PLXNC1: variants seen among roughly 807,000 people sequenced by gnomAD.
PLXNC1 encodes the protein plexin-C1.
PLXNC1 carries 75 observed loss-of-function variants against 178.2 expected under a neutral mutation model. The ratio of observed to expected loss-of-function variants is 0.42; its 90% CI spans 0.35 to 0.51. PLXNC1 has a LOEUF of 0.51. PLXNC1 is among the 20% of genes least tolerant of loss of function. The pLI is 0.02. For missense variants in PLXNC1, 1,503 were observed against 1,984.4 expected, an observed-to-expected ratio of 0.76 and a Z score of 4.61; for synonymous variants, 790 against 779.9, an observed-to-expected ratio of 1.01 and a Z score of -0.22.
intron 6 of PLXNC1, 53 bp downstream of exon 6, chr12:94,220,216 A>C: frequency 6.4e-7 from 1 of 1,561,866 alleles, no homozygotes; most frequent in Non-Finnish European, 8.8e-7. Context: ...AAACAAGGGA[A>C]CCTCCTGAGT....
chr12:94,227,033 A>AG, intron 8 of PLXNC1, 116 bp from the exon 9 acceptor site: 1 of 748,694 alleles, frequency 1.3e-6, no homozygotes, highest in Non-Finnish European at 2.3e-6. Context: ...CAAAAAAAAA[A>AG]GGTTTAACCA....
intron 5 of PLXNC1, among the ~76,000 whole-genome samples, chr12:94,215,591 T>TA (rs1963623635): frequency 6.6e-6 from 1 of 150,680 alleles, no homozygotes. Flanking sequence ...GATAGATAGA[T>TA]ATCAAAAATA....
At chr12:94,250,499 C>T (rs1360162944) in intron 14 of PLXNC1, among the ~76,000 whole-genome samples, 2 of 152,128 alleles carry the variant, frequency 1.3e-5, no homozygotes, top group Non-Finnish European at 2.9e-5. Context: ...CAAATCCATC[C>T]TCCAGCTACT....
intron 30 of PLXNC1, among the ~76,000 whole-genome samples, chr12:94,304,730 C>T (rs907332904): frequency 2.0e-5 from 3 of 152,138 alleles, no homozygotes; most frequent in Admixed American, 2.0e-4. Flanking sequence ...ATAAGCATCC[C>T]TCGTTCCAGG....
intron 8 of PLXNC1, among the ~76,000 whole-genome samples, chr12:94,226,938 A>G (rs928936931): frequency 6.6e-6 from 1 of 151,972 alleles, no homozygotes; most frequent in African/African-American, 2.4e-5. Context: ...CAGGAGAATC[A>G]CTTGAACCCG....
At chr12:94,294,577 C>G in intron 24 of PLXNC1, 37 bp downstream of exon 24, 2 of 922,590 alleles carry the variant, frequency 2.2e-6, no homozygotes, top group Non-Finnish European at 3.5e-6. Context: ...TTGTTCTCAC[C>G]CAGCTTCATA....
intron 16 of PLXNC1, 140 bp from the exon 17 acceptor site, chr12:94,255,053 C>T: frequency 1.1e-6 from 1 of 899,314 alleles, no homozygotes; most frequent in Non-Finnish European, 1.7e-6. Context: ...TTCAGCTCTT[C>T]TCTGCAGCCA....
intron 5 of PLXNC1, among the ~76,000 whole-genome samples, chr12:94,210,017 C>T (rs1444716531): frequency 1.3e-5 from 2 of 152,162 alleles, no homozygotes; most frequent in Non-Finnish European, 1.5e-5. Flanking sequence ...TGTAGAAATA[C>T]ATATTGCTTT....
chr12:94,276,794 T>G (rs1289278999), intron 21 of PLXNC1: 2 of 152,286 alleles, frequency 1.3e-5, no homozygotes, highest in Non-Finnish European at 2.9e-5. Context: ...TTGTTTCTTG[T>G]TTGTGAGCAG....
chr12:94,229,590 G>A (rs1394865253), intron 9 of PLXNC1, among the ~76,000 whole-genome samples: 1 of 152,060 alleles, frequency 6.6e-6, no homozygotes, highest in East Asian at 1.9e-4. Context: ...ATAAGAAATG[G>A]GTCTAACTTC....
At chr12:94,265,912 T>G (rs1965208042) in intron 21 of PLXNC1, among the ~76,000 whole-genome samples, 1 of 152,190 alleles carries the variant, frequency 6.6e-6, no homozygotes, top group African/African-American at 2.4e-5. Context: ...TTTGGGAATT[T>G]CAGAGAGGGA....
chr12:94,262,226 G>C (rs1965009206), intron 20 of PLXNC1, among the ~76,000 whole-genome samples: 1 of 152,160 alleles, frequency 6.6e-6, no homozygotes, highest in African/African-American at 2.4e-5. Context: ...CACCACACTA[G>C]GGGTCTTGGT....
chr12:94,209,696 A>G lies in PLXNC1; in HGVS notation c.1546A>G (p.Lys516Glu). ...CPKIQIIRSS[K>E]EKTTVTMVGS... ...TAAAATTCAGATAATTCGAAGCAGT[A>G]AAGAAAAGGTAAGAGGAAAGATTTT... The change falls in exon 5 of 31, where the codon AAA (lysine) becomes GAA (glutamate). Residue 516 changes from lysine (K) to glutamate (E), a missense_variant. Physicochemically the swap from Lys to Glu is moderately conservative, Grantham distance 56 (BLOSUM62 1). This residue lies in a region of PLXNC1 where 615 missense variants were observed against 698.6 expected (regional missense o/e 0.88). Transcript: ENST00000258526. 6.3e-7 allele frequency: 1 copy of G among 1,586,966 alleles called. No homozygotes were observed. Among genetic ancestry groups the G allele is most frequent in the Non-Finnish European group, 8.7e-7 (1 of 1,155,304 alleles).
chr12:94,262,891 A>G (rs1480004140), intron 20 of PLXNC1: 1 of 561,132 alleles, frequency 1.8e-6, no homozygotes, highest in East Asian at 1.5e-4. Context: ...GGGTCCTGTG[A>G]GCTAAGTGTC....
At chr12:94,193,753 G>A (rs1962810921) in intron 4 of PLXNC1, among the ~76,000 whole-genome samples, 1 of 152,158 alleles carries the variant, frequency 6.6e-6, no homozygotes, top group Admixed American at 6.6e-5. Context: ...TGAGATTACA[G>A]CGGAAGGAGT....
At chr12:94,186,291 TGGCCC>T in intron 3 of PLXNC1, 77 bp from the exon 4 acceptor site, 1 of 941,874 alleles carries the variant, frequency 1.1e-6, no homozygotes, top group Admixed American at 1.7e-5. Flanking sequence ...AGGCTCTTTT[TGGCCC>T]TTCATTAGAT....
chr12:94,193,341 CA>C (rs1962791779), intron 4 of PLXNC1, among the ~76,000 whole-genome samples: 1 of 152,004 alleles, frequency 6.6e-6, no homozygotes, highest in Non-Finnish European at 1.5e-5. Flanking sequence ...AGTAAGAGAC[CA>C]GGGACTGAAT....
At chr12:94,158,919 T>C (rs1193992569) in intron 1 of PLXNC1, among the ~76,000 whole-genome samples, 1 of 152,176 alleles carries the variant, frequency 6.6e-6, no homozygotes, top group African/African-American at 2.4e-5. Context: ...TCCAAGGAAC[T>C]TCTAGAGCAG....
intron 6 of PLXNC1, 39 bp from the exon 7 acceptor site, chr12:94,224,189 G>A: frequency 1.8e-6 from 2 of 1,135,140 alleles, no homozygotes; most frequent in South Asian, 2.5e-5. Context: ...ACTATAGCAG[G>A]ACTCCACCGT....
Sources: gnomAD v4.1 joint callset for allele counts (sites outside exome capture counted in the v4.1 genomes callset) on GRCh38, gnomAD v4.1.1 for gene constraint, gnomAD v4.1.1 regional missense constraint, MANE v1.5 for transcripts, NCBI Gene and HGNC (gene_info 2026-07-23, HGNC 2026-07-21) for gene names.